TTC6: variants seen among roughly 807,000 people sequenced by gnomAD.
The protein encoded by TTC6 is tetratricopeptide repeat protein 6.
A neutral mutation model predicts 210.4 loss-of-function variants in TTC6; 172 were observed. The ratio of observed to expected loss-of-function variants is 0.82; its 90% CI spans 0.72 to 0.93. The LOEUF is 0.93. Ranked by LOEUF, TTC6 falls within the 40% of genes least tolerant of loss-of-function variation. The pLI is 0.00. For synonymous variants in TTC6, 804 were observed against 819.6 expected, an observed-to-expected ratio of 0.98 and a Z score of 0.32; for missense variants, 2,414 against 2,318.1, an observed-to-expected ratio of 1.04 and a Z score of -0.85.
At chr14:37,697,106 A>G (rs1041353825) in intron 4 of TTC6, among the ~76,000 whole-genome samples, 3 of 152,128 alleles carry the variant, frequency 2.0e-5, no homozygotes, top group African/African-American at 7.2e-5. Context: ...GACTGAAGAA[A>G]ATTAAATGTT....
At chr14:37,614,879 T>A (rs1595011602) in intron 2 of TTC6, among the ~76,000 whole-genome samples, 1 of 152,248 alleles carries the variant, frequency 6.6e-6, no homozygotes, top group East Asian at 1.9e-4. Flanking sequence ...CCCACGTAAC[T>A]GGGATTACAG....
upstream of TTC6, chr14:37,621,999 A>C: frequency 8.7e-7 from 1 of 1,153,408 alleles, no homozygotes; most frequent in Non-Finnish European, 1.2e-6. Context: ...TTTTATATTT[A>C]TGTATATACG....
chr14:37,825,220 CTG>C (rs2096168004), intron 27 of TTC6, among the ~76,000 whole-genome samples: 1 of 152,148 alleles, frequency 6.6e-6, no homozygotes, highest in African/African-American at 2.4e-5. Context: ...AGAGATCTTA[CTG>C]TGAGGCAGTT....
At position 37,661,647 on chromosome 14, in the gene TTC6, A is replaced by C. The variant is rs569660803; in HGVS notation, c.940-18504A>C. On this transcript the variant is annotated intron_variant, in intron 1 of 30. Coordinates refer to ENST00000553443, the Ensembl canonical transcript of TTC6. ...CTTTTCTCTTAGAATTGTCTTGGCT[A>C]TATGGGCTCTTTTTTGGTTCCATAT... is the stretch of plus-strand genomic sequence containing the variant. 3.3e-5 allele frequency among the ~76,000 whole-genome samples: 5 copies of C among 152,324 alleles called. No homozygotes were observed. The South Asian group carries it at 1.0e-3, about 32-fold the overall frequency.
chr14:37,613,756 GTTGT>G (rs1487967621), intron 2 of TTC6, among the ~76,000 whole-genome samples: 5 of 151,988 alleles, frequency 3.3e-5, no homozygotes, highest in African/African-American at 7.2e-5. Context: ...TTGGTATAGT[GTTGT>G]TTATCACATT....
At chr14:37,729,670 A>G (rs1221874852) in intron 7 of TTC6, among the ~76,000 whole-genome samples, 2 of 152,036 alleles carry the variant, frequency 1.3e-5, no homozygotes, top group East Asian at 1.9e-4. Context: ...CCTTTCAGAG[A>G]TGTCAAATCT....
At chr14:37,698,947 C>T (rs1302481800) in intron 4 of TTC6, among the ~76,000 whole-genome samples, 2 of 152,026 alleles carry the variant, frequency 1.3e-5, no homozygotes, top group Admixed American at 1.3e-4. Flanking sequence ...GTGTTAGAAC[C>T]AAGATCCTGA....
chr14:37,647,510 T>C (rs1399152796), intron 1 of TTC6, among the ~76,000 whole-genome samples: 2 of 152,120 alleles, frequency 1.3e-5, no homozygotes, highest in Non-Finnish European at 2.9e-5. Context: ...TGGTTTATGG[T>C]GTGTGTAGCT....
intron 7 of TTC6, among the ~76,000 whole-genome samples, chr14:37,728,130 T>C (rs2095877411): frequency 6.6e-6 from 1 of 151,792 alleles, no homozygotes; most frequent in Admixed American, 6.6e-5. Flanking sequence ...TGAGAGACTA[T>C]ATGGTGCATT....
intron 3 of TTC6, among the ~76,000 whole-genome samples, chr14:37,686,212 G>A (rs2095793422): frequency 6.6e-6 from 1 of 152,106 alleles, no homozygotes; most frequent in African/African-American, 2.4e-5. Flanking sequence ...ATTGTAAAAT[G>A]AGGATAATGA....
intron 6 of TTC6, among the ~76,000 whole-genome samples, chr14:37,723,816 G>A (rs1369854090): frequency 2.0e-5 from 3 of 152,052 alleles, no homozygotes; most frequent in East Asian, 1.9e-4. Context: ...GCATTCCATC[G>A]TGGGATTCCT....
At chr14:37,769,462 T>C (rs1647406877) in intron 14 of TTC6, among the ~76,000 whole-genome samples, 2 of 152,124 alleles carry the variant, frequency 1.3e-5, no homozygotes, top group South Asian at 2.1e-4. Context: ...AGCTATTGAT[T>C]ATTGCCACAA....
At chr14:37,797,373 A>G (rs2096095152) in intron 20 of TTC6, among the ~76,000 whole-genome samples, 1 of 152,024 alleles carries the variant, frequency 6.6e-6, no homozygotes, top group South Asian at 2.1e-4. Context: ...GTGGATAAAA[A>G]TTTATGTCTT....
chr14:37,749,396 C>A, exon 11 of TTC6: 1 of 1,418,432 alleles, frequency 7.1e-7, no homozygotes, highest in South Asian at 1.6e-5. Context: ...GAATGATCTG[C>A]AGAGAGTAAG....
intron 3 of TTC6, among the ~76,000 whole-genome samples, chr14:37,684,652 ACTATTC>A (rs1431827143): frequency 6.6e-6 from 1 of 152,178 alleles, no homozygotes; most frequent in Non-Finnish European, 1.5e-5. Flanking sequence ...ATAGCACTGA[ACTATTC>A]CCACCAAGTC....
intron 21 of TTC6, 123 bp downstream of exon 23, chr14:37,804,937 T>G (rs1329523358): frequency 9.6e-7 from 1 of 1,044,516 alleles, no homozygotes; most frequent in East Asian, 2.4e-5. Flanking sequence ...TTATGAAGCT[T>G]GGCTTGTTAT....
chr14:37,828,949 T>C (rs1368741448), intron 29 of TTC6, among the ~76,000 whole-genome samples: 1 of 152,064 alleles, frequency 6.6e-6, no homozygotes, highest in Non-Finnish European at 1.5e-5. Flanking sequence ...AAATTGCTGC[T>C]ACATTATTTC....
intron 2 of TTC6, 143 bp downstream of exon 4, chr14:37,680,404 T>G: frequency 1.8e-6 from 1 of 568,364 alleles, no homozygotes. Flanking sequence ...TCTAACTCGA[T>G]ACCACACTGG....
intron 1 of TTC6, among the ~76,000 whole-genome samples, chr14:37,603,836 A>G (rs1027411194): frequency 2.7e-4 from 41 of 152,330 alleles, no homozygotes; most frequent in African/African-American, 8.7e-4. Context: ...GACATGTTCA[A>G]TGCAATTCCG....
Sources: allele counts gnomAD v4.1 joint callset (sites outside exome capture counted in the v4.1 genomes callset), GRCh38; gene constraint gnomAD v4.1.1; transcripts MANE v1.5; gene names NCBI Gene and HGNC (gene_info 2026-07-23, HGNC 2026-07-21).